The following LRP5 variants were observed in gnomAD, a reference collection of about 807,000 sequenced individuals.
LRP5 encodes low-density lipoprotein receptor-related protein 5.
In LRP5, 62 loss-of-function variants were observed where a neutral mutation model predicts 154.1. The ratio of observed to expected loss-of-function variants is 0.40; its 90% CI spans 0.33 to 0.50. The LOEUF (loss-of-function observed/expected upper bound fraction) is 0.50. Among genes scored for constraint, LRP5 ranks in the 20% least tolerant of loss-of-function variants. The probability of loss-of-function intolerance (pLI) is 0.55; values close to 1 mark genes in which losing one functional copy is unlikely to be tolerated. For missense variants in LRP5, 1,915 were observed against 2,336.7 expected (o/e 0.82, Z 3.72); for synonymous variants, 966 against 1,011.5 (o/e 0.96, Z 0.85).
rs1591213969 is a variant in LRP5, at chr11:68,353,986, C to T, written c.489-3664C>T. Among the ~76,000 whole-genome samples the T allele has an allele frequency of 1.3e-5, 2 of 152,168 alleles. No individual in the cohort carries two copies. The highest frequency in any genetic ancestry group is 4.8e-5 in the African/African-American group (2 of 41,434). On this transcript the variant is annotated intron_variant, in intron 2 of 22. Transcript: ENST00000294304. This position sits in a 1 kb window ranked among gnomAD's most constrained non-coding sequence, Gnocchi z 4.5. Reference sequence around the variant, plus strand: ...GCGGGCTCTGGGGATGACCCTCTGGCCCCTGAGGATCTGGGGCCAGAAAGA... The same window carrying T: ...GCGGGCTCTGGGGATGACCCTCTGGTCCCTGAGGATCTGGGGCCAGAAAGA...
At chr11:68,438,357 C>A (rs935538974) in intron 19 of LRP5, 89 bp from the exon 20 acceptor site, 1 of 1,267,488 alleles carries the variant, frequency 7.9e-7, no homozygotes, top group Admixed American at 1.7e-5. Context: ...GCAAAGCCAG[C>A]CCCTTCAGGG....
chr11:68,421,923 CTT>C (rs1311030970), intron 13 of LRP5, among the ~76,000 whole-genome samples: 1 of 151,668 alleles, frequency 6.6e-6, no homozygotes, highest in African/African-American at 2.4e-5. Context: ...TACTTAGAGA[CTT>C]TGTTTTATTT....
At chr11:68,381,856 C>T (rs990655414) in intron 5 of LRP5, among the ~76,000 whole-genome samples, 1 of 152,254 alleles carries the variant, frequency 6.6e-6, no homozygotes, top group African/African-American at 2.4e-5. Context: ...TGGCTGCTGC[C>T]CGGACCTCTC....
intron 7 of LRP5, among the ~76,000 whole-genome samples, chr11:68,399,028 T>C (rs1402676267): frequency 6.6e-6 from 1 of 152,110 alleles, no homozygotes. Context: ...GTTTTTGTTT[T>C]TTCACTGATA....
intron 1 of LRP5, among the ~76,000 whole-genome samples, chr11:68,318,247 G>A (rs928108541): frequency 6.6e-6 from 1 of 151,408 alleles, no homozygotes; most frequent in Non-Finnish European, 1.5e-5. Flanking sequence ...GTAGAGACGG[G>A]GTTTCACCGT....
At position 68,447,974 on chromosome 11, in the gene LRP5, C is replaced by T. The variant is rs189731552; in HGVS notation, c.4587-835C>T. Among the ~76,000 whole-genome samples, 13 of 152,238 alleles carry T rather than the reference C, an allele frequency of 8.5e-5. No individual in the cohort carries two copies. The highest frequency in any genetic ancestry group is 2.0e-4 in the Admixed American group (3 of 15,276). ...TGGTTGCTGTATTAGCCTGTTCTCA[C>T]GCTGCTAATAAAGACATACCCAAGA... is the stretch of plus-strand genomic sequence containing the variant. On this transcript the variant is annotated intron_variant, in intron 22 of 22. Transcript: ENST00000294304. The surrounding 1 kb of genome is among the most constrained non-coding windows in gnomAD (Gnocchi z 4.3).
rs1266967242 is a variant in LRP5, at chr11:68,414,024, A to G, written c.2827+12A>G. The G allele has an allele frequency of 1.2e-6, 2 of 1,601,318 alleles. No homozygotes were observed. Among genetic ancestry groups the G allele is most frequent in the Non-Finnish European group, 8.5e-7 (1 of 1,179,032 alleles). On this transcript the variant is annotated intron_variant, in intron 12 of 22. Transcript: ENST00000294304. ...CCGCAACTGCAGCCGTAAGTGCCTC[A>G]TGGTCCCCCGCACCTCACTCCCTCG...
At chr11:68,299,907 TTTGTTTTTTGAGACGGAGTC>T in the LRP5 span, among the ~76,000 whole-genome samples, 5 of 148,860 alleles carry the variant, frequency 3.4e-5, 1 homozygote, top group Non-Finnish European at 7.6e-5. Flanking sequence ...TGTTTGTTTG[TTTGTTTTTTGAGACGGAGTC>T]TTGTTCTGTT....
At position 68,423,409 on chromosome 11, in the gene LRP5, C is replaced by A; in HGVS notation, c.3028-80C>A. On this transcript the variant is annotated intron_variant, in intron 13 of 22. Coordinates refer to ENST00000294304, the MANE Select transcript of LRP5 (RefSeq NM_002335.4). This position sits in a 1 kb window ranked among gnomAD's most constrained non-coding sequence, Gnocchi z 4.7. Reference sequence around the variant, plus strand: ...GGGGTCTCCACCAGTGCCCGGGGGTCTCCGCCAGTGCCAGGGGTCTCCGCC... The same window carrying A: ...GGGGTCTCCACCAGTGCCCGGGGGTATCCGCCAGTGCCAGGGGTCTCCGCC... The A allele has an allele frequency of 7.3e-7, 1 of 1,365,802 alleles. No individual in the cohort carries two copies. The highest frequency in any genetic ancestry group is 1.4e-5 in the African/African-American group (1 of 69,972). 84.6% of individuals were successfully genotyped at this position (1,365,802 alleles called of 1,614,324 possible).
chr11:68,366,806 C>T (rs1479122648), intron 5 of LRP5, among the ~76,000 whole-genome samples: 2 of 152,136 alleles, frequency 1.3e-5, no homozygotes, highest in Admixed American at 1.3e-4. Flanking sequence ...ACTTGGGCGG[C>T]CTAGTCCTCA....
chr11:68,302,329 G>C, the LRP5 span, among the ~76,000 whole-genome samples: 1 of 124,272 alleles, frequency 8.0e-6, no homozygotes, highest in Admixed American at 1.1e-4. Flanking sequence ...CCTGATGACA[G>C]AGCAAGACTC....
At chr11:68,300,221 C>T in the LRP5 span, among the ~76,000 whole-genome samples, 3 of 148,968 alleles carry the variant, frequency 2.0e-5, no homozygotes, top group Non-Finnish European at 4.5e-5. Flanking sequence ...GGGAGAATCC[C>T]GTGGCGTTTA....
rs1457958864 is a variant in LRP5 at position 68,386,725 on chromosome 11, G to A, written c.1412+13G>A. ...ACCCCGTGATGGGGTAAGACGGGCG[G>A]GGGCTGGGGCCTGGAGCCAGGGCCA... On this transcript the variant is annotated intron_variant, in intron 6 of 22. Transcript: ENST00000294304. This position sits in a 1 kb window ranked among gnomAD's most constrained non-coding sequence, Gnocchi z 7.9. The A allele has an allele frequency of 1.9e-6, 3 of 1,609,120 alleles. No homozygotes were observed. The highest frequency in any genetic ancestry group is 1.7e-5 in the Admixed American group (1 of 59,776).
At chr11:68,424,519 C>G (rs1196658116) in intron 14 of LRP5, among the ~76,000 whole-genome samples, 1 of 152,234 alleles carries the variant, frequency 6.6e-6, no homozygotes, top group Non-Finnish European at 1.5e-5. Flanking sequence ...CCGAGCTGGT[C>G]TCCCAACAGC....
In LRP5 at chr11:68,344,973, C is replaced by T. The variant is rs56180125; in HGVS notation, c.92-2874C>T. On this transcript the variant is annotated intron_variant, in intron 1 of 22. Transcript: ENST00000294304. ...TGCCTCCTGGGTCCAAGCAATTCTC[C>T]TGCCTCAGCCTCCTTAGCAGCTGGA... Among the ~76,000 whole-genome samples, 1,230 of 147,910 alleles carry T rather than the reference C, an allele frequency of 8.3e-3. 5 individuals carry two copies. The highest frequency in any genetic ancestry group is 0.014 in the Non-Finnish European group (953 of 67,422).
intron 1 of LRP5, among the ~76,000 whole-genome samples, chr11:68,327,578 T>A (rs1335651261): frequency 6.6e-6 from 1 of 152,226 alleles, no homozygotes; most frequent in Non-Finnish European, 1.5e-5. Flanking sequence ...AGTGTGACTT[T>A]GCATTGGTTT....
chr11:68,364,358 ATGTGTGTG>A (rs113821152), intron 4 of LRP5, among the ~76,000 whole-genome samples: 3,633 of 145,504 alleles, frequency 0.025, 153 homozygotes, highest in African/African-American at 0.088. Flanking sequence ...ATACATATAT[ATGTGTGTG>A]TGTGTGTGTG....
chr11:68,332,674 G>C lies in LRP5; in HGVS notation c.92-15173G>C, dbSNP rs928991602. ...TGGAGGTGGTCAGGGTGGAGTCTAC[G>C]GGAGACTTGGTCTACTCTGGTGCGG... is the stretch of plus-strand genomic sequence containing the variant. On this transcript the variant is annotated intron_variant, in intron 1 of 22. Transcript: ENST00000294304. Among the ~76,000 whole-genome samples the C allele has an allele frequency of 7.9e-5, 12 of 152,216 alleles. 1 individual carries two copies. Among genetic ancestry groups the C allele is most frequent in the Admixed American group, 7.2e-4 (11 of 15,278 alleles).
intron 2 of LRP5, 65 bp from the exon 3 acceptor site, chr11:68,357,585 C>G (rs1331441913): frequency 7.2e-7 from 1 of 1,390,008 alleles, no homozygotes; most frequent in Non-Finnish European, 1.0e-6. Flanking sequence ...ATGTCTGCAT[C>G]TATGCAGACA....
Sources: allele counts gnomAD v4.1 joint callset (sites outside exome capture counted in the v4.1 genomes callset), GRCh38; gene constraint gnomAD v4.1.1; non-coding constraint Gnocchi (gnomAD v3.1); transcripts MANE v1.5; gene names NCBI Gene and HGNC (gene_info 2026-07-23, HGNC 2026-07-21).